The following SYT14 variants were observed in gnomAD, a reference collection of about 807,000 sequenced individuals.
SYT14 encodes synaptotagmin 14.
SYT14 carries 32 observed loss-of-function variants against 74.2 expected under a neutral mutation model. That is an observed-to-expected ratio of 0.43 (90% CI 0.33 to 0.58). The LOEUF (loss-of-function observed/expected upper bound fraction) is 0.58. Ranked by LOEUF, SYT14 falls within the 20% of genes least tolerant of loss-of-function variation. SYT14 has a pLI of 0.05. For missense variants in SYT14, 791 were observed against 981.8 expected, an observed-to-expected ratio of 0.81 and a Z score of 2.60; for synonymous variants, 298 against 337.7, an observed-to-expected ratio of 0.88 and a Z score of 1.29.
intron 7 of SYT14, among the ~76,000 whole-genome samples, chr1:210,151,513 CTT>C (rs1553289498): frequency 6.4e-4 from 84 of 131,264 alleles, no homozygotes; most frequent in South Asian, 1.1e-3. Context: ...TGCCCCCCCC[CTT>C]TTTTTTTTTT....
At chr1:209,982,718 T>A (rs1283615562) in intron 2 of SYT14, among the ~76,000 whole-genome samples, 2 of 152,226 alleles carry the variant, frequency 1.3e-5, no homozygotes, top group African/African-American at 4.8e-5. Flanking sequence ...TATCAAGGAA[T>A]GTAATTGCTG....
intron 3 of SYT14, among the ~76,000 whole-genome samples, chr1:210,015,213 C>T (rs2080158745): frequency 6.6e-6 from 1 of 152,076 alleles, no homozygotes; most frequent in Non-Finnish European, 1.5e-5. Flanking sequence ...CTCATTTCTG[C>T]CTCTACATTC....
intron 5 of SYT14, among the ~76,000 whole-genome samples, chr1:210,078,309 C>CAAAAAAA (rs59924487): frequency 1.4e-5 from 1 of 72,060 alleles, no homozygotes; most frequent in Non-Finnish European, 2.6e-5. Flanking sequence ...GACTCCGTCT[C>CAAAAAAA]AAAAAAAAAA....
chr1:210,155,991 T>A, intron 8 of SYT14, 81 bp downstream of exon 7: 1 of 1,247,200 alleles, frequency 8.0e-7, no homozygotes, highest in Non-Finnish European at 1.2e-6. Flanking sequence ...AATCCTATCA[T>A]TTAGTCTTAA....
intron 7 of SYT14, among the ~76,000 whole-genome samples, chr1:210,130,448 CAA>C (rs2102637282): frequency 6.6e-6 from 1 of 152,160 alleles, no homozygotes; most frequent in Non-Finnish European, 1.5e-5. Flanking sequence ...TTTATTTAAA[CAA>C]AGTTTATTGT....
At chr1:210,166,482 C>T (rs1430829157) in exon 10 of SYT14, 1 of 152,404 alleles carries the variant, frequency 6.6e-6, no homozygotes, top group South Asian at 2.1e-4. Context: ...GGGAGAATCG[C>T]TGGAGCCTGG....
chr1:210,038,130 T>C (rs1234797484), intron 5 of SYT14, among the ~76,000 whole-genome samples: 1 of 152,062 alleles, frequency 6.6e-6, no homozygotes, highest in Non-Finnish European at 1.5e-5. Flanking sequence ...TTCGGATTGT[T>C]ACATCTTGTT....
chr1:209,965,799 C>A, intron 2 of SYT14: 2 of 402,588 alleles, frequency 5.0e-6, no homozygotes, highest in South Asian at 1.8e-5. Context: ...TTGAAAAAAA[C>A]TATCCTTTCT....
intron 2 of SYT14, among the ~76,000 whole-genome samples, chr1:209,956,942 C>CT (rs537380076): frequency 2.5e-4 from 37 of 150,998 alleles, no homozygotes; most frequent in Non-Finnish European, 5.2e-4. Context: ...ACCCTACACC[C>CT]TTTTTTTTTC....
At chr1:210,020,967 C>T (rs1460138397) in intron 4 of SYT14, 72 bp from the exon 4 acceptor site, 12 of 1,265,692 alleles carry the variant, frequency 9.5e-6, no homozygotes, top group East Asian at 2.4e-5. Context: ...ATTTGACGGG[C>T]CCAGTAGGGC....
chr1:210,160,932 A>T, exon 10 of SYT14: 1 of 1,614,052 alleles, frequency 6.2e-7, no homozygotes, highest in South Asian at 1.1e-5. Context: ...GATAGGCTGG[A>T]TTTCTTTAGG....
chr1:210,052,347 A>G (rs1457958800), intron 5 of SYT14, among the ~76,000 whole-genome samples: 1 of 150,824 alleles, frequency 6.6e-6, no homozygotes, highest in Non-Finnish European at 1.5e-5. Flanking sequence ...CAGCCTCTGG[A>G]GTAGCTGGAA....
intron 2 of SYT14, among the ~76,000 whole-genome samples, chr1:209,991,753 C>T (rs1371319729): frequency 6.6e-6 from 1 of 151,826 alleles, no homozygotes; most frequent in East Asian, 1.9e-4. Flanking sequence ...TCGCTTGAAC[C>T]TAGGAGGCAG....
chr1:210,098,436 C>G (rs1364283502), intron 6 of SYT14, among the ~76,000 whole-genome samples: 4 of 152,172 alleles, frequency 2.6e-5, no homozygotes, highest in African/African-American at 9.7e-5. Context: ...CCAGTTCCTT[C>G]TCTTCTGTTT....
At chr1:210,082,089 A>G (rs1300724543) in intron 5 of SYT14, among the ~76,000 whole-genome samples, 1 of 152,240 alleles carries the variant, frequency 6.6e-6, no homozygotes, top group African/African-American at 2.4e-5. Flanking sequence ...AGTTGAGTAA[A>G]TGTAGTTGTT....
chr1:210,093,947 A>G (rs2081922749), intron 5 of SYT14, among the ~76,000 whole-genome samples: 1 of 152,218 alleles, frequency 6.6e-6, no homozygotes, highest in African/African-American at 2.4e-5. Context: ...CCATATTTGT[A>G]TCGCTTTGAC....
chr1:210,126,274 G>A (rs769310569), intron 7 of SYT14, among the ~76,000 whole-genome samples: 3 of 151,486 alleles, frequency 2.0e-5, no homozygotes, highest in Non-Finnish European at 4.4e-5. Flanking sequence ...TGTACTGGGT[G>A]CAATTTTAAG....
At chr1:210,030,817 A>G (rs1262608125) in intron 5 of SYT14, among the ~76,000 whole-genome samples, 1 of 152,182 alleles carries the variant, frequency 6.6e-6, no homozygotes, top group East Asian at 1.9e-4. Context: ...AAGATCACTC[A>G]CAAGAACAGT....
intron 7 of SYT14, among the ~76,000 whole-genome samples, chr1:210,137,926 G>A (rs1012822893): frequency 6.6e-6 from 1 of 151,972 alleles, no homozygotes; most frequent in African/African-American, 2.4e-5. Flanking sequence ...TGATCCACCC[G>A]CCTCAGCCTC....
Sources: allele counts gnomAD v4.1 joint callset (sites outside exome capture counted in the v4.1 genomes callset), GRCh38; gene constraint gnomAD v4.1.1; transcripts MANE v1.5; gene names NCBI Gene and HGNC (gene_info 2026-07-23, HGNC 2026-07-21).